Variants in RDX observed in about 807,000 individuals in gnomAD.
RDX encodes radixin, also known as deafness, autosomal recessive 24.
Under a neutral mutation model 83.7 loss-of-function variants are expected in RDX, and 32 were observed. The ratio of observed to expected loss-of-function variants is 0.38; its 90% CI spans 0.29 to 0.51. The LOEUF is 0.51. Ranked by LOEUF, RDX falls within the 20% of genes least tolerant of loss-of-function variation. The probability of loss-of-function intolerance (pLI) is 0.87; values close to 1 mark genes in which losing one functional copy is unlikely to be tolerated. For missense variants in RDX, 600 were observed against 689.9 expected (o/e 0.87, Z 1.46); for synonymous variants, 229 against 222.7 (o/e 1.03, Z -0.25).
intron 1 of RDX, among the ~76,000 whole-genome samples, chr11:110,284,905 A>C (rs1247387449): frequency 6.6e-6 from 1 of 152,220 alleles, no homozygotes; most frequent in Non-Finnish European, 1.5e-5. Context: ...TAATTTTAAA[A>C]ATCAGAGACA....
rs764655058 is a variant in RDX at position 110,264,858 on chromosome 11, C to A, written c.113G>T (p.Gly38Val). Residue 38 changes from glycine to valine, a missense_variant, in exon 4 of 14, where the codon GGT (glycine) becomes GTT (valine). Coordinates refer to ENST00000645495, the MANE Select transcript of RDX (RefSeq NM_002906.4). ...CCCAAAAAACCAGACCTCACGCAAA[C>A]CAACTGTTTTCACCACCTAAAACAC... The part of the protein sequence containing the change: ...QLFDQVVKTV[G>V]LREVWFFGLQ... 2 of 1,613,848 alleles carry A rather than the reference C, an allele frequency of 1.2e-6. No individual in the cohort carries two copies. Among genetic ancestry groups the A allele is most frequent in the Admixed American group, 1.7e-5 (1 of 60,018 alleles).
chr11:110,207,342 T>A (rs1349495090), intron 14 of RDX, among the ~76,000 whole-genome samples: 1 of 152,156 alleles, frequency 6.6e-6, no homozygotes, highest in Non-Finnish European at 1.5e-5. Context: ...CACCCTGCAA[T>A]CTGTGTTTTA....
intron 10 of RDX, among the ~76,000 whole-genome samples, chr11:110,238,154 G>T (rs920669934): frequency 2.0e-5 from 3 of 152,066 alleles, no homozygotes; most frequent in Non-Finnish European, 4.4e-5. Flanking sequence ...GTAAATCCAA[G>T]AAATTAAGAT....
chr11:110,245,382 T>C (rs1859064787), intron 10 of RDX, among the ~76,000 whole-genome samples: 1 of 152,154 alleles, frequency 6.6e-6, no homozygotes, highest in Non-Finnish European at 1.5e-5. Context: ...ACAGTAAACC[T>C]TGATCACACC....
At chr11:110,199,018 T>G (rs11213302) in intron 15 of RDX, among the ~76,000 whole-genome samples, 1 of 152,126 alleles carries the variant, frequency 6.6e-6, no homozygotes, top group South Asian at 2.1e-4. Context: ...TTTCACCATG[T>G]TGGCCAGGCT....
chr11:110,235,705 G>A (rs1198558196), intron 12 of RDX, among the ~76,000 whole-genome samples: 1 of 152,156 alleles, frequency 6.6e-6, no homozygotes, highest in Admixed American at 6.5e-5. Context: ...AGCCTCGGCT[G>A]CTTATTGGTT....
chr11:110,219,569 T>C (rs966908115), intron 14 of RDX, among the ~76,000 whole-genome samples: 2 of 152,132 alleles, frequency 1.3e-5, no homozygotes, highest in African/African-American at 4.8e-5. Context: ...GATGAGGTGG[T>C]CACATTCTGG....
At position 110,296,570 on chromosome 11, in the gene RDX, G is replaced by C. The variant is rs1591197964; in HGVS notation, c.-168C>G. On this transcript the variant is annotated 5_prime_UTR_variant, in exon 1 of 14. Transcript: ENST00000645495. ...AGCGGTGGTGCGAGCGCTGGCCCGC[G>C]GGAGACGAGAGGCGCCGCCGCCACC... is the stretch of plus-strand genomic sequence containing the variant. 6.6e-6 allele frequency: 1 copy of C among 151,080 alleles called. No individual in the cohort carries two copies. The highest frequency in any genetic ancestry group is 1.5e-5 in the Non-Finnish European group (1 of 67,682). 9.4% of individuals were successfully genotyped at this position (151,080 alleles called of 1,614,324 possible). A position where few individuals can be genotyped will look rare whatever the true frequency, so the allele number is the denominator to read the frequency against.
At chr11:110,216,014 A>G (rs1173818057) in intron 14 of RDX, among the ~76,000 whole-genome samples, 1 of 152,060 alleles carries the variant, frequency 6.6e-6, no homozygotes, top group Non-Finnish European at 1.5e-5. Context: ...TGTTCCTCAA[A>G]CTTCTCTTGA....
intron 14 of RDX, among the ~76,000 whole-genome samples, chr11:110,218,221 T>C (rs1380326865): frequency 2.0e-5 from 3 of 152,194 alleles, no homozygotes; most frequent in Non-Finnish European, 1.5e-5. Flanking sequence ...TCTTGGAGCA[T>C]AAGAATTATG....
At chr11:110,287,565 T>C (rs1861035953) in intron 1 of RDX, among the ~76,000 whole-genome samples, 1 of 152,226 alleles carries the variant, frequency 6.6e-6, no homozygotes, top group Non-Finnish European at 1.5e-5. Context: ...GCAATAATAA[T>C]GCACTTTTAC....
At chr11:110,276,422 T>C (rs1187814456) in intron 2 of RDX, among the ~76,000 whole-genome samples, 1 of 152,208 alleles carries the variant, frequency 6.6e-6, no homozygotes, top group Non-Finnish European at 1.5e-5. Flanking sequence ...TGATATGTGG[T>C]AGGGCAAGTC....
Position 110,230,974 on chromosome 11 carries a change from T to C in RDX, c.*895A>G, listed in dbSNP as rs1864611454. On this transcript the variant is annotated 3_prime_UTR_variant, in exon 14 of 14. Transcript: ENST00000645495. Reference sequence around the variant, plus strand: ...AGGTCCAGGTTTTAAAAAATAACATTAGTTACCAACAAATGTATATTTTCT... The same window carrying C: ...AGGTCCAGGTTTTAAAAAATAACATCAGTTACCAACAAATGTATATTTTCT... The C allele has an allele frequency of 6.6e-6, 1 of 152,562 alleles. No individual in the cohort carries two copies. Among genetic ancestry groups the C allele is most frequent in the Non-Finnish European group, 1.5e-5 (1 of 68,026 alleles). 9.5% of individuals were successfully genotyped at this position (152,562 alleles called of 1,614,324 possible). A position where few individuals can be genotyped will look rare whatever the true frequency, so the allele number is the denominator to read the frequency against.
intron 1 of RDX, among the ~76,000 whole-genome samples, chr11:110,293,234 T>A (rs938578788): frequency 1.8e-4 from 28 of 152,340 alleles, no homozygotes; most frequent in African/African-American, 6.5e-4. Flanking sequence ...TGGCATTTTC[T>A]ATAAACAAGG....
chr11:110,179,317 C>T (rs778755519), intron 15 of RDX, among the ~76,000 whole-genome samples: 1 of 152,188 alleles, frequency 6.6e-6, no homozygotes, highest in East Asian at 1.9e-4. Flanking sequence ...ATGAACACCA[C>T]GCCAGGAAGT....
chr11:110,234,017 T>C (rs147838768), intron 12 of RDX, among the ~76,000 whole-genome samples: 1 of 152,298 alleles, frequency 6.6e-6, no homozygotes, highest in Non-Finnish European at 1.5e-5. Context: ...ATTTGGGTGA[T>C]CATATTATCT....
chr11:110,285,898 A>G (rs1860962048), intron 1 of RDX, among the ~76,000 whole-genome samples: 1 of 151,956 alleles, frequency 6.6e-6, no homozygotes, highest in Admixed American at 6.6e-5. Context: ...TGGTCTTTCA[A>G]GTCTTTCTTT....
rs533102778 is a variant in RDX at position 110,222,613 on chromosome 11, G to A, written c.1748+9260C>T. On this transcript the variant is annotated intron_variant, in intron 14 of 15. Transcript: ENST00000528498. The stretch of plus-strand genomic sequence containing the variant: ...AAATCGAGACCATCCCGGCTAACAC[G>A]GTAAAACCTCGTCTCTACTAAAAAT... 2.0e-4 allele frequency among the ~76,000 whole-genome samples: 30 copies of A among 152,210 alleles called. 1 individual carries two copies. The South Asian group carries it at 4.8e-3, about 24-fold the overall frequency.
At chr11:110,255,066 T>C (rs1859485304) in intron 8 of RDX, among the ~76,000 whole-genome samples, 1 of 152,110 alleles carries the variant, frequency 6.6e-6, no homozygotes. Flanking sequence ...TATAACTGAA[T>C]CTCAAATAAA....
Sources: gnomAD v4.1 joint callset for allele counts (sites outside exome capture counted in the v4.1 genomes callset) on GRCh38, gnomAD v4.1.1 for gene constraint, MANE v1.5 for transcripts, NCBI Gene and HGNC (gene_info 2026-07-23, HGNC 2026-07-21) for gene names.